IQGAP3: variants seen among roughly 807,000 people sequenced by gnomAD.
IQGAP3 encodes ras GTPase-activating-like protein IQGAP3.
Under a neutral mutation model 208.2 loss-of-function variants are expected in IQGAP3, and 165 were observed. The ratio of observed to expected loss-of-function variants is 0.79; its 90% CI spans 0.70 to 0.90. The LOEUF (loss-of-function observed/expected upper bound fraction) is 0.90, where lower values mean the gene tolerates loss of function less well. Among genes scored for constraint, IQGAP3 ranks in the 40% least tolerant of loss-of-function variants. The pLI is 0.00. For synonymous variants in IQGAP3, 703 were observed against 803.6 expected (o/e 0.87, Z 2.12); for missense variants, 1,811 against 2,043.1 (o/e 0.89, Z 2.19).
chr1:156,546,808 C>CA (rs1337186303), intron 19 of IQGAP3, among the ~76,000 whole-genome samples: 1 of 152,198 alleles, frequency 6.6e-6, no homozygotes, highest in East Asian at 1.9e-4. Context: ...CCAACACCCT[C>CA]AGTCATAATC....
At chr1:156,539,107 AT>A in intron 25 of IQGAP3, 74 bp from the exon 26 acceptor site, 6 of 1,377,678 alleles carry the variant, frequency 4.4e-6, no homozygotes, top group Non-Finnish European at 6.1e-6. Context: ...CCTTTTTGAG[AT>A]TTTGGCTCTC....
At chr1:156,563,425 C>T in intron 7 of IQGAP3, 113 bp from the exon 8 acceptor site, 1 of 1,357,586 alleles carries the variant, frequency 7.4e-7, no homozygotes, top group African/African-American at 1.5e-5. Flanking sequence ...AAGGGCCAGA[C>T]AAACCAGGTA....
chr1:156,528,741 G>C, intron 35 of IQGAP3, 131 bp from the exon 36 acceptor site: 1 of 1,023,712 alleles, frequency 9.8e-7, no homozygotes, highest in Non-Finnish European at 1.4e-6. Flanking sequence ...GAGGAGGGGG[G>C]CTGCACTTGA....
rs1001859251 is a variant in IQGAP3, at chr1:156,529,928, A to AAAAAAAG, written c.4404+170_4404+176dup. Among the ~76,000 whole-genome samples, 57 of 150,226 alleles carry AAAAAAAG rather than the reference A, an allele frequency of 3.8e-4. 1 individual carries two copies. Among genetic ancestry groups the AAAAAAAG allele is most frequent in the African/African-American group, 1.2e-3 (47 of 39,986 alleles). On this transcript the variant is annotated intron_variant, in intron 34 of 37. Coordinates refer to ENST00000361170, the MANE Select transcript of IQGAP3 (RefSeq NM_178229.5). ...AGTGAGACTGTCTCAAAAAAAAAAA[A>AAAAAAAG]AAAAAAGAAAAAAAAATCTTTCCTT...
chr1:156,527,125 C>A (rs1674117408), intron 37 of IQGAP3, among the ~76,000 whole-genome samples: 1 of 151,762 alleles, frequency 6.6e-6, no homozygotes, highest in Admixed American at 6.6e-5. Context: ...GCCACTGCAC[C>A]CGGCCAAAAT....
rs112011688 is a variant in IQGAP3 at position 156,527,290 on chromosome 1, A to G, written c.4782+662T>C. ...AGGTCAGCAGTTCAAGACCAGCCTG[A>G]CCAACATGGTGAAACCCCATCTCTA... On this transcript the variant is annotated intron_variant, in intron 37 of 37. Transcript: ENST00000361170. 4.2e-3 allele frequency among the ~76,000 whole-genome samples: 638 copies of G among 151,598 alleles called. 4 individuals are homozygous for G. The highest frequency in any genetic ancestry group is 0.011 in the African/African-American group (475 of 41,394).
intron 18 of IQGAP3, 47 bp from the exon 19 acceptor site, chr1:156,548,290 C>A: frequency 6.2e-7 from 1 of 1,607,648 alleles, no homozygotes; most frequent in Non-Finnish European, 8.5e-7. Flanking sequence ...GGAGTGGGAG[C>A]CTCTTCTTCA....
Position 156,564,595 on chromosome 1 carries a change from T to TA in IQGAP3, c.437+19dup, listed in dbSNP as rs765936388. On this transcript the variant is annotated intron_variant, in intron 5 of 37. Transcript: ENST00000361170. The stretch of plus-strand genomic sequence containing the variant: ...CATCCACCTAGAGGAACCTGGATGA[T>TA]AAAATTTGAGGTCTCTCACCTGAGA... 6.4e-7 allele frequency: 1 copy of TA among 1,565,080 alleles called. No homozygotes were observed. The highest frequency in any genetic ancestry group is 1.1e-5 in the South Asian group (1 of 90,050).
chr1:156,563,410 C>A (rs989762056), intron 7 of IQGAP3, 98 bp from the exon 8 acceptor site: 5 of 1,393,570 alleles, frequency 3.6e-6, no homozygotes, highest in Non-Finnish European at 2.9e-6. Flanking sequence ...CTTTTTCCCA[C>A]CCTCAAGGGC....
intron 2 of IQGAP3, among the ~76,000 whole-genome samples, chr1:156,568,540 G>A (rs1324690566): frequency 6.6e-6 from 1 of 152,150 alleles, no homozygotes; most frequent in Admixed American, 6.5e-5. Context: ...TGTTTTTGGA[G>A]ACACAGTCTC....
intron 23 of IQGAP3, among the ~76,000 whole-genome samples, chr1:156,540,495 T>C (rs1436792172): frequency 6.6e-6 from 1 of 152,148 alleles, no homozygotes; most frequent in African/African-American, 2.4e-5. Context: ...GAGCCAGGCA[T>C]TCTGATTCTA....
Position 156,548,175 on chromosome 1 carries a change from A to G in IQGAP3, c.2202T>C (p.Val734=), listed in dbSNP as rs34229589. The G allele has an allele frequency of 1.3e-3, 2,152 of 1,614,164 alleles. 24 individuals are homozygous for G. The African/African-American group carries it at 0.024, about 18-fold the overall frequency. ...CACGGAGGCGGGCCTGGAGCTGGAT[A>G]ACAAAGCCGACGTTGGCTTTCCAGA... The part of the protein sequence containing the change: ...QQLWKANVGF[V]IQLQARLRGF... The change falls in exon 19 of 38, where the codon GTT becomes GTC. Residue 734 remains valine, a synonymous_variant. Transcript: ENST00000361170.
intron 36 of IQGAP3, 77 bp downstream of exon 36, chr1:156,528,432 C>A: frequency 1.9e-6 from 2 of 1,026,574 alleles, no homozygotes; most frequent in Non-Finnish European, 3.0e-6. Context: ...CTCTTCCACC[C>A]GGTGCCCAGC....
chr1:156,533,860 G>T lies in IQGAP3; in HGVS notation c.3889C>A (p.Gln1297Lys), dbSNP rs1243252196. ...VNTHRLLLEH[Q>K]DCIAPDHQDP... ...TGGTGATCAGGGGCAATGCAGTCCT[G>T]GTGCTCCAGCAACAGCTGCAGGACG... is the stretch of plus-strand genomic sequence containing the variant. Residue 1297 changes from glutamine (Q) to lysine (K), a missense_variant, in exon 31 of 38, where the codon CAG becomes AAG. By Grantham distance (53) the Gln-to-Lys change is moderately conservative. Coordinates refer to ENST00000361170, the MANE Select transcript of IQGAP3 (RefSeq NM_178229.5). The T allele has an allele frequency of 6.2e-7, 1 of 1,610,746 alleles. No individual in the cohort carries two copies. Among genetic ancestry groups the T allele is most frequent in the Admixed American group, 1.7e-5 (1 of 59,642 alleles).
chr1:156,531,089 C>T, intron 33 of IQGAP3, 71 bp downstream of exon 33: 1 of 1,076,522 alleles, frequency 9.3e-7, no homozygotes, highest in Non-Finnish European at 1.4e-6. Flanking sequence ...AGGAGGGAAA[C>T]AGCAGCGGTG....
chr1:156,532,318 C>T (rs368737516), intron 32 of IQGAP3, among the ~76,000 whole-genome samples: 2 of 143,160 alleles, frequency 1.4e-5, no homozygotes, highest in Non-Finnish European at 3.0e-5. Flanking sequence ...ACCCAGAAGG[C>T]GGAGGTTGCA....
Position 156,539,680 on chromosome 1 carries a change from C to T in IQGAP3, c.2893-143G>A. 2.5e-6 allele frequency: 3 copies of T among 1,186,162 alleles called. No individual in the cohort carries two copies. In the South Asian group the frequency reaches 4.3e-5, roughly 17 times the overall value. The allele number at this position is 1,186,162 out of a possible 1,614,324, so 73.5% of individuals were successfully genotyped here. The stretch of plus-strand genomic sequence containing the variant: ...CTCCAGGTGCTAGTAACATTCCAGA[C>T]AAACAGGGGAAGAGGTAGTCTCCTT... On this transcript the variant is annotated intron_variant, in intron 24 of 37. Coordinates refer to ENST00000361170, the MANE Select transcript of IQGAP3 (RefSeq NM_178229.5).
intron 35 of IQGAP3, 62 bp downstream of exon 35, chr1:156,528,854 G>T: frequency 6.3e-7 from 1 of 1,578,718 alleles, no homozygotes; most frequent in Non-Finnish European, 8.7e-7. Flanking sequence ...CAGGGCAAAG[G>T]TGACATGGGC....
At chr1:156,543,817 C>T (rs1014666930) in intron 22 of IQGAP3, among the ~76,000 whole-genome samples, 164 bp downstream of exon 22, 5 of 152,170 alleles carry the variant, frequency 3.3e-5, no homozygotes, top group Middle Eastern at 3.2e-3. Flanking sequence ...TTGGGATGAG[C>T]AGGGGGGCTT....
Sources: gnomAD v4.1 joint callset for allele counts (sites outside exome capture counted in the v4.1 genomes callset) on GRCh38, gnomAD v4.1.1 for gene constraint, MANE v1.5 for transcripts, NCBI Gene and HGNC (gene_info 2026-07-23, HGNC 2026-07-21) for gene names.